The following GRID2 variants were observed in gnomAD, a reference collection of about 807,000 sequenced individuals.
GRID2 encodes glutamate receptor ionotropic, delta-2.
In GRID2, 33 loss-of-function variants were observed where a neutral mutation model predicts 114.8. The ratio of observed to expected loss-of-function variants is 0.29; its 90% CI spans 0.22 to 0.38. GRID2 has a LOEUF of 0.38. Among genes scored for constraint, GRID2 ranks in the 10% least tolerant of loss-of-function variants. The pLI is 1.00. For missense variants in GRID2, 1,184 were observed against 1,257.7 expected (o/e 0.94, Z 0.89); for synonymous variants, 505 against 449.9 (o/e 1.12, Z -1.55).
Position 93,453,316 on chromosome 4 carries a change from A to AAGAGAGAG in GRID2, c.1546-2309_1546-2302dup, listed in dbSNP as rs3044025. On this transcript the variant is annotated intron_variant, in intron 10 of 15. Transcript: ENST00000282020. ...GACTATACAAAACTCAGAGATGGGAAAGAGAGAGAGAGAGAGAGAGAGAGA... is the reference window on the plus strand; with the variant it reads ...GACTATACAAAACTCAGAGATGGGAAAGAGAGAGAGAGAGAGAGAGAGAGAGAGAGAGA... 9.3e-3 allele frequency among the ~76,000 whole-genome samples: 1,188 copies of AAGAGAGAG among 127,138 alleles called. 16 individuals carry two copies. Among genetic ancestry groups the AAGAGAGAG allele is most frequent in the East Asian group, 0.039 (129 of 3,278 alleles). 83.4% of individuals were successfully genotyped at this position (127,138 alleles called of 152,430 possible).
At chr4:92,990,198 CTGTGTGTGTGTGTG>C (rs3970985) in intron 2 of GRID2, among the ~76,000 whole-genome samples, 22,997 of 124,718 alleles carry the variant, frequency 0.18, 2,170 homozygotes, top group Middle Eastern at 0.23. Flanking sequence ...TTAACATTTT[CTGTGTGTGTGTGTG>C]TGTGTGTGTG....
intron 1 of GRID2, among the ~76,000 whole-genome samples, chr4:92,535,054 T>A (rs1725545659): frequency 6.6e-6 from 1 of 152,156 alleles, no homozygotes; most frequent in South Asian, 2.1e-4. Context: ...GGCCTGAATA[T>A]AACAGTGAAT....
chr4:93,061,056 T>C (rs1477509941), intron 2 of GRID2, among the ~76,000 whole-genome samples: 1 of 151,300 alleles, frequency 6.6e-6, no homozygotes, highest in Non-Finnish European at 1.5e-5. Context: ...TGAGCCAAAA[T>C]TGCACCACTG....
intron 4 of GRID2, among the ~76,000 whole-genome samples, chr4:93,200,435 G>A (rs1222258845): frequency 6.6e-6 from 1 of 151,902 alleles, no homozygotes; most frequent in Admixed American, 6.6e-5. Context: ...GCGTGGTAGC[G>A]GGCGCCTGTA....
chr4:93,648,670 A>G (rs1480387126), intron 14 of GRID2, among the ~76,000 whole-genome samples: 1 of 152,194 alleles, frequency 6.6e-6, no homozygotes, highest in Non-Finnish European at 1.5e-5. Flanking sequence ...CCAGCCCCAG[A>G]GGTTCTGGTT....
At chr4:93,712,571 C>T (rs1264706911) in intron 14 of GRID2, among the ~76,000 whole-genome samples, 2 of 152,116 alleles carry the variant, frequency 1.3e-5, no homozygotes, top group Non-Finnish European at 2.9e-5. Flanking sequence ...CACCCCTTCT[C>T]CTCCCCAAAA....
At chr4:92,619,041 TG>T (rs1441180463) in intron 2 of GRID2, among the ~76,000 whole-genome samples, 1 of 151,722 alleles carries the variant, frequency 6.6e-6, no homozygotes, top group African/African-American at 2.4e-5. Context: ...GTTTAGTTTT[TG>T]TTTGAATTTG....
At chr4:92,933,037 C>A (rs980210706) in intron 2 of GRID2, among the ~76,000 whole-genome samples, 8 of 150,568 alleles carry the variant, frequency 5.3e-5, no homozygotes, top group African/African-American at 1.9e-4. Context: ...ATTAGCAAAA[C>A]CTATCAAATA....
chr4:92,411,611 A>G (rs924648065), intron 1 of GRID2, among the ~76,000 whole-genome samples: 3 of 140,840 alleles, frequency 2.1e-5, no homozygotes, highest in East Asian at 2.0e-4. Flanking sequence ...TGCATTATAT[A>G]TAGATATATA....
chr4:93,076,496 T>G (rs1729314618), intron 2 of GRID2, among the ~76,000 whole-genome samples: 1 of 152,090 alleles, frequency 6.6e-6, no homozygotes, highest in Non-Finnish European at 1.5e-5. Context: ...TTCTTTACAC[T>G]TTTCCTAATG....
chr4:92,925,321 A>G (rs567421316), intron 2 of GRID2, among the ~76,000 whole-genome samples: 1 of 152,194 alleles, frequency 6.6e-6, no homozygotes, highest in Non-Finnish European at 1.5e-5. Context: ...CATTTCAGAG[A>G]TTAGAGGTGT....
chr4:92,670,902 A>C (rs1300152783), intron 2 of GRID2, among the ~76,000 whole-genome samples: 1 of 151,698 alleles, frequency 6.6e-6, no homozygotes, highest in Non-Finnish European at 1.5e-5. Flanking sequence ...GTACTTTAAA[A>C]CTCTCTGCCA....
At chr4:92,776,889 C>A (rs1738829603) in intron 2 of GRID2, among the ~76,000 whole-genome samples, 1 of 151,542 alleles carries the variant, frequency 6.6e-6, no homozygotes, top group South Asian at 2.1e-4. Flanking sequence ...TTTTTCTGAT[C>A]CCTGGAGAAT....
At chr4:92,715,757 G>T (rs891571764) in intron 2 of GRID2, among the ~76,000 whole-genome samples, 1 of 152,142 alleles carries the variant, frequency 6.6e-6, no homozygotes, top group Non-Finnish European at 1.5e-5. Context: ...ATTCACATAC[G>T]TATCACTAGG....
intron 1 of GRID2, among the ~76,000 whole-genome samples, chr4:92,398,305 A>ATTC (rs1319904020): frequency 1.3e-5 from 2 of 152,152 alleles, no homozygotes; most frequent in African/African-American, 2.4e-5. Context: ...TATTATTATT[A>ATTC]TTAATTTGAG....
At chr4:92,854,813 T>A (rs1308325459) in intron 2 of GRID2, among the ~76,000 whole-genome samples, 2 of 152,062 alleles carry the variant, frequency 1.3e-5, no homozygotes, top group African/African-American at 2.4e-5. Flanking sequence ...GAAAATTTTT[T>A]AAATGAAGAT....
At chr4:92,637,843 A>G (rs1458160976) in intron 2 of GRID2, among the ~76,000 whole-genome samples, 1 of 152,016 alleles carries the variant, frequency 6.6e-6, no homozygotes, top group Non-Finnish European at 1.5e-5. Context: ...ATTATTTGTC[A>G]TGGACAAGAG....
At chr4:92,456,542 C>G (rs973904935) in intron 1 of GRID2, among the ~76,000 whole-genome samples, 5 of 152,016 alleles carry the variant, frequency 3.3e-5, no homozygotes, top group African/African-American at 1.2e-4. Flanking sequence ...GTAGAGGATG[C>G]AGAACTCAGG....
intron 12 of GRID2, among the ~76,000 whole-genome samples, chr4:93,514,269 TAGAG>T (rs1453748975): frequency 1.3e-5 from 2 of 152,100 alleles, no homozygotes; most frequent in East Asian, 3.9e-4. Flanking sequence ...ACCACCAATT[TAGAG>T]ATAGATAACC....
Sources: gnomAD v4.1 joint callset for allele counts (sites outside exome capture counted in the v4.1 genomes callset) on GRCh38, gnomAD v4.1.1 for gene constraint, MANE v1.5 for transcripts, NCBI Gene and HGNC (gene_info 2026-07-23, HGNC 2026-07-21) for gene names.